THG1L: variants seen among roughly 807,000 people sequenced by gnomAD.
THG1L encodes the protein tRNA-histidine guanylyltransferase 1 like, also known as probable tRNA(His) guanylyltransferase.
A neutral mutation model predicts 35.2 loss-of-function variants in THG1L; 27 were observed. The observed-to-expected ratio is 0.77, with a 90% confidence interval of 0.57 to 1.06. The LOEUF (loss-of-function observed/expected upper bound fraction) is 1.06. THG1L is among the 50% of genes least tolerant of loss of function. THG1L has a pLI of 0.00. For missense variants in THG1L, 377 were observed against 371.8 expected (o/e 1.01, Z -0.12); for synonymous variants, 135 against 132.4 (o/e 1.02, Z -0.14).
chr5:157,731,731 C>T, intron 1 of THG1L, 100 bp downstream of exon 1: 1 of 1,432,656 alleles, frequency 7.0e-7, no homozygotes, highest in Non-Finnish European at 9.4e-7. Context: ...TCACGGTTAC[C>T]AGGGTAACGC....
Position 157,740,311 on chromosome 5 carries a change from T to C in THG1L, c.*829T>C, listed in dbSNP as rs1561615867. ...TTCCTATTAGACTTCTTGAAAAACA[T>C]TCTCACATAGCCTCTATGTAATCAG... On this transcript the variant is annotated 3_prime_UTR_variant, in exon 6 of 6. Coordinates refer to ENST00000231198, the MANE Select transcript of THG1L (RefSeq NM_017872.5). 1 of 152,222 alleles carries C rather than the reference T, an allele frequency of 6.6e-6. No homozygotes were observed. 9.4% of individuals were successfully genotyped at this position (152,222 alleles called of 1,614,324 possible).
chr5:157,733,426 C>T (rs62387757), intron 2 of THG1L, among the ~76,000 whole-genome samples: 17,025 of 152,196 alleles, frequency 0.11, 1,270 homozygotes, highest in South Asian at 0.23. Context: ...ATACACAAAT[C>T]TGATATTTGA....
chr5:157,731,887 C>G (rs1368521778), intron 1 of THG1L, among the ~76,000 whole-genome samples: 4 of 152,212 alleles, frequency 2.6e-5, no homozygotes, highest in Non-Finnish European at 2.9e-5. Context: ...GTTAAGTGAA[C>G]AGAGACTTGT....
At chr5:157,731,697 T>A (rs953155665) in intron 1 of THG1L, 66 bp downstream of exon 1, 5 of 1,527,818 alleles carry the variant, frequency 3.3e-6, no homozygotes, top group Non-Finnish European at 4.4e-6. Context: ...CTTCTTCCCT[T>A]GCAAGTCCTC....
rs776279783 is a variant in THG1L, at chr5:157,731,589, A to G, written c.149A>G (p.His50Arg). Residue 50 changes from histidine (H) to arginine (R), a missense_variant, in exon 1 of 6, where the codon CAC (histidine) becomes CGC (arginine). His to Arg is a conservative substitution (Grantham distance 29). Transcript: ENST00000231198. ...DFEADDTCLAHCWVVVRLDGR... is the reference protein window; with the variant it reads ...DFEADDTCLARCWVVVRLDGR... Reference sequence around the variant, plus strand: ...GAGGCTGACGACACCTGCCTGGCACACTGCTGGGTGGTAGTGCGGCTGGAC... The same window carrying G: ...GAGGCTGACGACACCTGCCTGGCACGCTGCTGGGTGGTAGTGCGGCTGGAC... The G allele has an allele frequency of 5.6e-6, 9 of 1,608,724 alleles. No homozygotes were observed. In the African/African-American group the frequency reaches 1.1e-4, roughly 19 times the overall value.
chr5:157,735,793 T>C (rs1416321621), intron 3 of THG1L, 53 bp from the exon 4 acceptor site: 1 of 1,233,138 alleles, frequency 8.1e-7, no homozygotes, highest in Non-Finnish European at 1.2e-6. Context: ...GAAGAATGAA[T>C]ATTCAATAAA....
intron 2 of THG1L, among the ~76,000 whole-genome samples, chr5:157,734,278 C>T (rs1330554407): frequency 6.6e-6 from 1 of 152,076 alleles, no homozygotes; most frequent in Non-Finnish European, 1.5e-5. Flanking sequence ...ATCCCAGCTA[C>T]TCGGGAGTCT....
In THG1L at chr5:157,740,960, C is replaced by CT. The variant is rs1761025691; in HGVS notation, c.*1481dup. On this transcript the variant is annotated 3_prime_UTR_variant, in exon 6 of 6. Transcript: ENST00000231198. The stretch of plus-strand genomic sequence containing the variant: ...GTGGCTCACACCTGTAATCCCAGCA[C>CT]TTTGGGGGGCTGAGGCAGGTAGATC... 1.3e-5 allele frequency: 2 copies of CT among 149,442 alleles called. No homozygotes were observed. Among genetic ancestry groups the CT allele is most frequent in the Non-Finnish European group, 1.5e-5 (1 of 67,852 alleles). The allele number at this position is 149,442 out of a possible 1,614,324, so 9.3% of individuals were successfully genotyped here. A position where few individuals can be genotyped will look rare whatever the true frequency, so the allele number is the denominator to read the frequency against.
intron 4 of THG1L, among the ~76,000 whole-genome samples, chr5:157,736,566 A>AT (rs1263068263): frequency 5.9e-5 from 9 of 152,150 alleles, no homozygotes; most frequent in Non-Finnish European, 1.2e-4. Flanking sequence ...CCAGCACTGA[A>AT]TTTTTGTCAG....
intron 5 of THG1L, 22 bp downstream of exon 5, chr5:157,738,016 A>G: frequency 6.3e-7 from 1 of 1,585,166 alleles, no homozygotes; most frequent in Non-Finnish European, 8.6e-7. Context: ...ATGTTCAAAG[A>G]AAAATGGAAG....
chr5:157,731,515 A>C lies in THG1L; in HGVS notation c.75A>C (p.Arg25Ser). ...TISITLRRYL[R>S]LGATMAKSKF... ...CCATCACTCTGAGACGGTACCTGAG[A>C]TTGGGGGCGACCATGGCAAAAAGCA... The change falls in exon 1 of 6, where the codon AGA (arginine) becomes AGC (serine). Residue 25 changes from arginine to serine, a missense_variant. By Grantham distance (110) the Arg-to-Ser change is moderately radical. Transcript: ENST00000231198. The C allele has an allele frequency of 6.2e-7, 1 of 1,612,874 alleles. No individual in the cohort carries two copies. The highest frequency in any genetic ancestry group is 8.5e-7 in the Non-Finnish European group (1 of 1,179,452).
At chr5:157,734,551 A>AC in intron 2 of THG1L, 25 bp from the exon 3 acceptor site, 2 of 1,611,990 alleles carry the variant, frequency 1.2e-6, no homozygotes, top group Non-Finnish European at 1.7e-6. Flanking sequence ...TTCTTACTCC[A>AC]CCCAATGTGC....
chr5:157,738,595 T>C (rs769662309), intron 5 of THG1L: 2 of 426,014 alleles, frequency 4.7e-6, no homozygotes, highest in African/African-American at 2.1e-5. Flanking sequence ...TTTTGTTTTT[T>C]TTTTTTCTGA....
In THG1L at chr5:157,738,346, C is replaced by T. The variant is rs1760937735; in HGVS notation, c.735+352C>T. Among the ~76,000 whole-genome samples, 3 of 152,094 alleles carry T rather than the reference C, an allele frequency of 2.0e-5. No individual in the cohort carries two copies. In the South Asian group the frequency reaches 6.2e-4, roughly 31 times the overall value. The stretch of plus-strand genomic sequence containing the variant: ...AAAAATACTTTCACACTGGATAATA[C>T]CATTAAATGGTCTCTCCATCCCATG... On this transcript the variant is annotated intron_variant, in intron 5 of 5. Coordinates refer to ENST00000231198, the MANE Select transcript of THG1L (RefSeq NM_017872.5).
intron 1 of THG1L, 150 bp downstream of exon 1, chr5:157,731,781 C>T (rs1760729498): frequency 6.8e-6 from 7 of 1,027,414 alleles, no homozygotes; most frequent in Non-Finnish European, 8.3e-6. Flanking sequence ...TTGCCCCGCC[C>T]TGCGTGTTGG....
Position 157,732,960 on chromosome 5 carries a change from A to C in THG1L, c.284A>C (p.Glu95Ala). 1 of 1,614,236 alleles carries C rather than the reference A, an allele frequency of 6.2e-7. No individual in the cohort carries two copies. Among genetic ancestry groups the C allele is most frequent in the Non-Finnish European group, 8.5e-7 (1 of 1,180,054 alleles). ...GCGCAGACTGTGATGGAAGAACTAG[A>C]GGATATTGTGATCGCGTATGGACAG... ...KCAQTVMEEL[E>A]DIVIAYGQSD... is the part of the protein sequence containing the mutation. Residue 95 changes from glutamate (E) to alanine (A), a missense_variant, in exon 2 of 6, where the codon GAG becomes GCG. Glu to Ala is a moderately radical substitution (Grantham distance 107). Transcript: ENST00000231198.
In THG1L at chr5:157,737,936, T is replaced by C. The variant is rs771518558; in HGVS notation, c.677T>C (p.Ile226Thr). The change falls in exon 5 of 6, where the codon ATC (isoleucine) becomes ACC (threonine). Residue 226 changes from isoleucine (I) to threonine (T), a missense_variant. Coordinates refer to ENST00000231198, the MANE Select transcript of THG1L (RefSeq NM_017872.5). ...KNEILFSEFN[I>T]NYNNELPMYR... ...GAGATTTTGTTTTCTGAATTCAACATCAACTATAATAATGAGCTGCCGATG... is the reference window on the plus strand; with the variant it reads ...GAGATTTTGTTTTCTGAATTCAACACCAACTATAATAATGAGCTGCCGATG... 6.2e-6 allele frequency: 10 copies of C among 1,613,374 alleles called. No homozygotes were observed. The highest frequency in any genetic ancestry group is 8.5e-6 in the Non-Finnish European group (10 of 1,179,768).
In THG1L at chr5:157,734,679, G is replaced by A. The variant is rs773865361; in HGVS notation, c.472G>A (p.Gly158Arg). The A allele has an allele frequency of 3.7e-6, 6 of 1,614,060 alleles. No homozygotes were observed. Among genetic ancestry groups the A allele is most frequent in the East Asian group, 4.5e-5 (2 of 44,862 alleles). ...QPLLYPPGFD[G>R]RVVVYPSNQT... is the part of the protein sequence containing the mutation. ...CCTTCTGTATCCCCCAGGCTTTGAC[G>A]GAAGAGTCGTGGTGTATCCCAGCAA... Residue 158 changes from glycine to arginine, a missense_variant, in exon 3 of 6, where the codon GGA becomes AGA. By Grantham distance (125) the Gly-to-Arg change is moderately radical (BLOSUM62 -2). Coordinates refer to ENST00000231198, the MANE Select transcript of THG1L (RefSeq NM_017872.5).
intron 2 of THG1L, 67 bp downstream of exon 2, chr5:157,733,111 T>C (rs985416862): frequency 2.5e-5 from 39 of 1,572,282 alleles, no homozygotes; most frequent in Non-Finnish European, 3.3e-5. Flanking sequence ...CTGTTTATCT[T>C]AATCGCAGAC....
Sources: allele counts gnomAD v4.1 joint callset (sites outside exome capture counted in the v4.1 genomes callset), GRCh38; gene constraint gnomAD v4.1.1; transcripts MANE v1.5; gene names NCBI Gene and HGNC (gene_info 2026-07-23, HGNC 2026-07-21).